Variants in WWP1 observed in about 807,000 individuals in gnomAD.
WWP1 encodes NEDD4-like E3 ubiquitin-protein ligase WWP1.
In WWP1, 49 loss-of-function variants were observed where a neutral mutation model predicts 130.6. The observed-to-expected ratio is 0.38, with a 90% CI of 0.30 to 0.48. The LOEUF (loss-of-function observed/expected upper bound fraction) is 0.48. Among genes scored for constraint, WWP1 ranks in the 20% least tolerant of loss-of-function variants. The pLI is 0.99. For synonymous variants in WWP1, 332 were observed against 367.8 expected, an observed-to-expected ratio of 0.90 and a Z score of 1.11; for missense variants, 809 against 1,100.6, an observed-to-expected ratio of 0.74 and a Z score of 3.75.
chr8:86,424,242 C>G (rs972644384), intron 9 of WWP1, among the ~76,000 whole-genome samples: 5 of 149,822 alleles, frequency 3.3e-5, no homozygotes, highest in African/African-American at 9.9e-5. Flanking sequence ...ACATCTCAGA[C>G]GATGGGCGGC....
rs201901338 is a variant in WWP1 at position 86,356,821 on chromosome 8, A to AT, written c.-114-12112dup. ...GGAAGTTGGTGTAATCTATTTTAAT[A>AT]TTTTTTAAAGGTTCTTTTTATGGTG... On this transcript the variant is annotated intron_variant, in intron 1 of 24. Coordinates refer to ENST00000517970, the MANE Select transcript of WWP1 (RefSeq NM_007013.4). Among the ~76,000 whole-genome samples, 462 of 152,232 alleles carry AT rather than the reference A, an allele frequency of 3.0e-3. 2 individuals are homozygous for AT. Among genetic ancestry groups the AT allele is most frequent in the African/African-American group, 0.011 (441 of 41,546 alleles).
chr8:86,367,584 T>A lies in WWP1; in HGVS notation c.-114-1355T>A, dbSNP rs1443411545. ...GCAGTTGAATAATAGTGAACCTTTA[T>A]ACAATTCTGTGGGATTTTCAAAGGG... On this transcript the variant is annotated intron_variant, in intron 1 of 24. Coordinates refer to ENST00000517970, the MANE Select transcript of WWP1 (RefSeq NM_007013.4). Among the ~76,000 whole-genome samples the A allele has an allele frequency of 2.0e-5, 3 of 152,206 alleles. No individual in the cohort carries two copies. In the East Asian group the frequency reaches 5.8e-4, roughly 29 times the overall value.
intron 2 of WWP1, among the ~76,000 whole-genome samples, chr8:86,372,060 G>A (rs1429862697): frequency 8.9e-6 from 1 of 112,570 alleles, no homozygotes; most frequent in Admixed American, 1.3e-4. Flanking sequence ...GTTTCGCTCT[G>A]TCGCCCAGGC....
Position 86,442,749 on chromosome 8 carries a change from T to C in WWP1, c.1969T>C (p.Phe657Leu). Residue 657 changes from phenylalanine to leucine, a missense_variant, in exon 18 of 25, where the codon TTC becomes CTC. Physicochemically the swap from Phe to Leu is conservative, Grantham distance 22. Transcript: ENST00000517970. ...CATTAATCCAGACCATCTTTCATAC[T>C]TCTGTTTCATTGGTCGTTTTATTGC... ...STINPDHLSY[F>L]CFIGRFIAMA... 6.2e-7 allele frequency: 1 copy of C among 1,609,920 alleles called. No individual in the cohort carries two copies.
chr8:86,438,549 T>G, intron 16 of WWP1, 36 bp from the exon 17 acceptor site: 4 of 1,490,020 alleles, frequency 2.7e-6, no homozygotes, highest in Non-Finnish European at 2.7e-6. Context: ...GTACTGCATG[T>G]GAGTATTTAA....
intron 5 of WWP1, among the ~76,000 whole-genome samples, chr8:86,392,301 T>C (rs951862787): frequency 7.9e-5 from 12 of 152,178 alleles, no homozygotes; most frequent in African/African-American, 2.9e-4. Flanking sequence ...GTGAAAACCA[T>C]AGAAATAGTA....
chr8:86,455,866 AT>A (rs1811416358), intron 21 of WWP1, among the ~76,000 whole-genome samples: 1 of 151,962 alleles, frequency 6.6e-6, no homozygotes. Flanking sequence ...TGATTTTAAG[AT>A]TTCTAACACC....
At chr8:86,446,516 G>GCAATTCTTTT in intron 18 of WWP1, among the ~76,000 whole-genome samples, 1 of 23,118 alleles carries the variant, frequency 4.3e-5, no homozygotes, top group South Asian at 1.1e-3. Flanking sequence ...TGTTTTTGTT[G>GCAATTCTTTT]GACTTAGCCA....
chr8:86,429,699 G>C (rs998737879), intron 11 of WWP1, among the ~76,000 whole-genome samples: 33 of 152,240 alleles, frequency 2.2e-4, no homozygotes, highest in Admixed American at 1.4e-3. Context: ...TGTGATAACT[G>C]TTCTATTTTT....
intron 1 of WWP1, among the ~76,000 whole-genome samples, chr8:86,363,870 G>A (rs1375868124): frequency 1.3e-5 from 2 of 151,978 alleles, no homozygotes; most frequent in South Asian, 2.1e-4. Context: ...TCTGTGCCAG[G>A]AAGTATTTTT....
At chr8:86,370,265 A>G (rs533021163) in intron 2 of WWP1, among the ~76,000 whole-genome samples, 2 of 152,372 alleles carry the variant, frequency 1.3e-5, no homozygotes, top group South Asian at 4.1e-4. Context: ...TTTAAACATC[A>G]TAAAAGATGT....
Position 86,425,295 on chromosome 8 carries a change from G to A in WWP1, c.1134G>A (p.Glu378=). ...ATAATACTCGAACTACCACATGGGA[G>A]AGACCACAACCTTTACCTCCAGGGT... ...VDHNTRTTTW[E]RPQPLPPGWE... The change falls in exon 10 of 25, where the codon GAG becomes GAA. Residue 378 remains glutamate (E), a synonymous_variant. Coordinates refer to ENST00000517970, the MANE Select transcript of WWP1 (RefSeq NM_007013.4). 6.2e-7 allele frequency: 1 copy of A among 1,613,114 alleles called. No individual in the cohort carries two copies. The highest frequency in any genetic ancestry group is 8.5e-7 in the Non-Finnish European group (1 of 1,179,512).
rs200863041 is a variant in WWP1 at position 86,468,433 on chromosome 8, TA to T, written c.*1550del. ...CTGGTAATTTTCAAGCCTAAAGAAT[TA>T]AAAAAAAAATTCTAATGTATGTGAC... is the stretch of plus-strand genomic sequence containing the variant. On this transcript the variant is annotated 3_prime_UTR_variant, in exon 25 of 25. Transcript: ENST00000517970. 398 of 410,394 alleles carry T rather than the reference TA, an allele frequency of 9.7e-4. No homozygotes were observed. Among genetic ancestry groups the T allele is most frequent in the Admixed American group, 1.7e-3 (59 of 34,762 alleles). 25.4% of individuals were successfully genotyped at this position (410,394 alleles called of 1,614,324 possible).
chr8:86,347,691 T>C (rs1040213268), intron 1 of WWP1, among the ~76,000 whole-genome samples: 1 of 152,252 alleles, frequency 6.6e-6, no homozygotes, highest in Non-Finnish European at 1.5e-5. Flanking sequence ...TCTGGAAAAG[T>C]ACATTGGTGA....
intron 17 of WWP1, 79 bp from the exon 18 acceptor site, chr8:86,442,515 AAGACTGTTGAGCAGAGGTATGATGT>A: frequency 8.9e-7 from 1 of 1,120,534 alleles, no homozygotes; most frequent in Non-Finnish European, 1.2e-6. Flanking sequence ...GGAGTTCTTA[AAGACTGTTGAGCAGAGGTATGATGT>A]ATATATGAAT....
intron 7 of WWP1, among the ~76,000 whole-genome samples, chr8:86,400,650 A>AT (rs1807924971): frequency 6.6e-6 from 1 of 152,226 alleles, no homozygotes; most frequent in Non-Finnish European, 1.5e-5. Flanking sequence ...AGAGAATAAT[A>AT]TTTAACCTTT....
chr8:86,347,845 A>T (rs1276172716), intron 1 of WWP1, among the ~76,000 whole-genome samples: 3 of 152,226 alleles, frequency 2.0e-5, no homozygotes, highest in Non-Finnish European at 2.9e-5. Flanking sequence ...TTTCCAAAAT[A>T]TATATAGATT....
At chr8:86,396,351 G>A (rs1395163081) in intron 5 of WWP1, among the ~76,000 whole-genome samples, 4 of 151,990 alleles carry the variant, frequency 2.6e-5, no homozygotes, top group East Asian at 3.9e-4. Flanking sequence ...CGCCCGCCTC[G>A]GCCTCCCAAA....
At chr8:86,459,463 T>C (rs574388492) in intron 22 of WWP1, among the ~76,000 whole-genome samples, 2 of 152,336 alleles carry the variant, frequency 1.3e-5, no homozygotes, top group African/African-American at 4.8e-5. Flanking sequence ...TAAAAAGTTA[T>C]TGTCTGTATA....
Sources: gnomAD v4.1 joint callset for allele counts (sites outside exome capture counted in the v4.1 genomes callset) on GRCh38, gnomAD v4.1.1 for gene constraint, MANE v1.5 for transcripts, NCBI Gene and HGNC (gene_info 2026-07-23, HGNC 2026-07-21) for gene names.